The following SYNDIG1 variants were observed in gnomAD, a reference collection of about 807,000 sequenced individuals.
SYNDIG1 encodes the protein synapse differentiation inducing 1.
In SYNDIG1, 9 loss-of-function variants were observed where a neutral mutation model predicts 19.4. The observed-to-expected ratio is 0.46, with a 90% CI of 0.28 to 0.81. SYNDIG1 has a LOEUF of 0.81. SYNDIG1 is among the 30% of genes least tolerant of loss of function. SYNDIG1 has a pLI of 0.12. For synonymous variants in SYNDIG1, 141 were observed against 145.9 expected (o/e 0.97, Z 0.24); for missense variants, 311 against 343.3 (o/e 0.91, Z 0.74).
At chr20:24,519,687 T>C (rs1389032762) in intron 1 of SYNDIG1, among the ~76,000 whole-genome samples, 1 of 152,204 alleles carries the variant, frequency 6.6e-6, no homozygotes, top group Non-Finnish European at 1.5e-5. Flanking sequence ...ATGGCAGCCA[T>C]GTGGCTCCTT....
intron 1 of SYNDIG1, among the ~76,000 whole-genome samples, chr20:24,480,911 A>G (rs1186542288): frequency 1.3e-5 from 2 of 152,214 alleles, no homozygotes; most frequent in Non-Finnish European, 2.9e-5. Flanking sequence ...CTTATCTGAC[A>G]TACTGAGAGT....
At chr20:24,482,975 A>G (rs1026857475) in intron 1 of SYNDIG1, among the ~76,000 whole-genome samples, 2 of 152,230 alleles carry the variant, frequency 1.3e-5, no homozygotes, top group Admixed American at 6.5e-5. Flanking sequence ...TTAATTTTCT[A>G]TGCATTGGTA....
rs903415440 is a variant in SYNDIG1 at position 24,658,521 on chromosome 20, C to A, written c.619-6825C>A. Among the ~76,000 whole-genome samples the A allele has an allele frequency of 5.3e-5, 8 of 152,092 alleles. No homozygotes were observed. The highest frequency in any genetic ancestry group is 1.7e-4 in the African/African-American group (7 of 41,404). ...CCAGTGACCTGCAGGTTTCGAGGGG[C>A]TTCCCCCTCCCACGGTCACCCCTGT... On this transcript the variant is annotated intron_variant, in intron 3 of 3. Transcript: ENST00000376862. This position sits in a 1 kb window ranked among gnomAD's most constrained non-coding sequence, Gnocchi z 4.4.
rs971977252 is a variant in SYNDIG1, at chr20:24,533,714, C to G, written c.-78-9306C>G. On this transcript the variant is annotated intron_variant, in intron 1 of 3. Coordinates refer to ENST00000376862, the MANE Select transcript of SYNDIG1 (RefSeq NM_024893.3). ...GTGCTGGGTGCTGATCCATCAGCTT[C>G]TCACTGTCACTGGCTGAGGCTGCAC... Among the ~76,000 whole-genome samples the G allele has an allele frequency of 2.0e-5, 3 of 152,322 alleles. No individual in the cohort carries two copies. In the East Asian group the frequency reaches 5.8e-4, roughly 29 times the overall value.
chr20:24,570,697 C>T (rs572850861), intron 2 of SYNDIG1, among the ~76,000 whole-genome samples: 3 of 152,260 alleles, frequency 2.0e-5, no homozygotes, highest in South Asian at 2.1e-4. Context: ...TCATACATTG[C>T]CGGTGGGAAT....
intron 3 of SYNDIG1, among the ~76,000 whole-genome samples, chr20:24,661,034 C>T (rs2059579773): frequency 6.6e-6 from 1 of 152,270 alleles, no homozygotes; most frequent in South Asian, 2.1e-4. Flanking sequence ...AAGCAAATGC[C>T]TTCCTTCTGT....
intron 1 of SYNDIG1, among the ~76,000 whole-genome samples, chr20:24,489,169 C>G (rs1400576228): frequency 6.6e-6 from 1 of 152,218 alleles, no homozygotes; most frequent in East Asian, 1.9e-4. Context: ...TGGGGGCACA[C>G]ACACATACAC....
chr20:24,474,320 T>C (rs1304960093), intron 1 of SYNDIG1, among the ~76,000 whole-genome samples: 6 of 152,142 alleles, frequency 3.9e-5, no homozygotes, highest in African/African-American at 1.4e-4. Context: ...GTTTGATAAA[T>C]GACCTGTTAA....
chr20:24,632,916 C>T (rs1199261096), intron 3 of SYNDIG1, among the ~76,000 whole-genome samples: 1 of 150,444 alleles, frequency 6.6e-6, no homozygotes, highest in Non-Finnish European at 1.5e-5. Context: ...TTTATGAAGG[C>T]TCTGGAGGGT....
intron 1 of SYNDIG1, among the ~76,000 whole-genome samples, chr20:24,540,950 A>G (rs1394997898): frequency 6.6e-6 from 1 of 152,132 alleles, no homozygotes; most frequent in East Asian, 1.9e-4. Context: ...TTTTTTTGGA[A>G]AAGTTTGAGA....
At chr20:24,542,527 T>G (rs1263804774) in intron 1 of SYNDIG1, among the ~76,000 whole-genome samples, 1 of 152,224 alleles carries the variant, frequency 6.6e-6, no homozygotes, top group African/African-American at 2.4e-5. Flanking sequence ...GATGCCTCAG[T>G]AGCAGATTCG....
intron 2 of SYNDIG1, among the ~76,000 whole-genome samples, chr20:24,555,234 GT>G (rs569402719): frequency 3.6e-4 from 55 of 152,010 alleles, no homozygotes; most frequent in African/African-American, 1.2e-3. Flanking sequence ...TATCAATTTT[GT>G]TGATCCTTTC....
At chr20:24,586,629 C>G (rs970911948) in intron 3 of SYNDIG1, among the ~76,000 whole-genome samples, 3 of 152,216 alleles carry the variant, frequency 2.0e-5, no homozygotes, top group Non-Finnish European at 1.5e-5. Context: ...ACATCAAACG[C>G]ACCCCCGAAG....
At chr20:24,608,504 A>G (rs1273649976) in intron 3 of SYNDIG1, among the ~76,000 whole-genome samples, 1 of 152,166 alleles carries the variant, frequency 6.6e-6, no homozygotes, top group African/African-American at 2.4e-5. Flanking sequence ...GTGACAATCC[A>G]TCACCCGCCA....
intron 2 of SYNDIG1, among the ~76,000 whole-genome samples, chr20:24,549,819 G>C (rs1373548029): frequency 6.6e-6 from 1 of 152,188 alleles, no homozygotes; most frequent in Admixed American, 6.5e-5. Flanking sequence ...GATGGATGTG[G>C]AGCCGGGAAG....
chr20:24,483,399 A>G (rs1440106411), intron 1 of SYNDIG1, among the ~76,000 whole-genome samples: 3 of 152,240 alleles, frequency 2.0e-5, no homozygotes, highest in Non-Finnish European at 2.9e-5. Context: ...TTAGGAAAAA[A>G]AACCCAAAAG....
chr20:24,523,441 G>A (rs953484501), intron 1 of SYNDIG1, among the ~76,000 whole-genome samples: 3 of 152,102 alleles, frequency 2.0e-5, no homozygotes, highest in Admixed American at 6.5e-5. Context: ...TTTCAGTTAC[G>A]TTGGGTTTAT....
chr20:24,631,392 C>T (rs902147037), intron 3 of SYNDIG1, among the ~76,000 whole-genome samples: 3 of 152,232 alleles, frequency 2.0e-5, no homozygotes, highest in African/African-American at 2.4e-5. Context: ...GGAAGGGCCT[C>T]ATCAGCCACC....
chr20:24,610,513 G>A (rs2058830264), intron 3 of SYNDIG1, among the ~76,000 whole-genome samples: 1 of 152,158 alleles, frequency 6.6e-6, no homozygotes, highest in Non-Finnish European at 1.5e-5. Flanking sequence ...TTCCACAGCA[G>A]GGTTCCTGAG....
Sources: gnomAD v4.1 joint callset for allele counts (sites outside exome capture counted in the v4.1 genomes callset) on GRCh38, gnomAD v4.1.1 for gene constraint, Gnocchi (gnomAD v3.1) non-coding constraint, MANE v1.5 for transcripts, NCBI Gene and HGNC (gene_info 2026-07-23, HGNC 2026-07-21) for gene names.